The following OR12D2 variants were observed in gnomAD, a reference collection of about 807,000 sequenced individuals.
OR12D2 encodes the protein olfactory receptor 12D2.
For missense variants in OR12D2, 345 were observed against 371.6 expected (o/e 0.93, Z 0.59); for synonymous variants, 146 against 142.3 (o/e 1.03, Z -0.19).
rs1052416171 is a variant in OR12D2 at position 29,396,690 on chromosome 6, G to A, written c.-2-8G>A. 1 of 1,605,792 alleles carries A rather than the reference G, an allele frequency of 6.2e-7. No homozygotes were observed. The highest frequency in any genetic ancestry group is 8.5e-7 in the Non-Finnish European group (1 of 1,176,286). On this transcript the variant is annotated splice_region_variant and splice_polypyrimidine_tract_variant and intron_variant, in intron 1 of 1. Coordinates refer to ENST00000642051, the MANE Select transcript of OR12D2 (RefSeq NM_013936.4). The stretch of plus-strand genomic sequence containing the variant: ...TGTTCCATAGATTATTTTGTCTTTT[G>A]TCTGAAGTGATGCTGAATACAACCT...
In OR12D2 at chr6:29,397,701, CT is replaced by C; in HGVS notation, c.*79del. The C allele has an allele frequency of 7.7e-7, 1 of 1,290,426 alleles. No individual in the cohort carries two copies. The highest frequency in any genetic ancestry group is 2.3e-5 in the East Asian group (1 of 42,756). 79.9% of individuals were successfully genotyped at this position (1,290,426 alleles called of 1,614,324 possible). The stretch of plus-strand genomic sequence containing the variant: ...GTAGAGATGTGTAATTTTACTGCTT[CT>C]CAGATGGTTTATAAGTGTAAAATAG... On this transcript the variant is annotated 3_prime_UTR_variant, in exon 2 of 2. Transcript: ENST00000642051.
rs1384666407 is a variant in OR12D2, at chr6:29,396,837, T to A, written c.138T>A (p.Ile46=). 1 of 1,612,856 alleles carries A rather than the reference T, an allele frequency of 6.2e-7. No individual in the cohort carries two copies. Among genetic ancestry groups the A allele is most frequent in the Non-Finnish European group, 8.5e-7 (1 of 1,179,954 alleles). Residue 46 remains isoleucine (I), a synonymous_variant, in exon 2 of 2, where the codon ATT becomes ATA. Transcript: ENST00000642051. ...SVTGNGAVLM[I]VISDPRLHSL... ...CTGGGAATGGAGCCGTTCTGATGAT[T>A]GTCATCTCCGATCCTAGACTCCATT...
chr6:29,397,744 G>C lies in OR12D2; in HGVS notation c.*121G>C. The stretch of plus-strand genomic sequence containing the variant: ...GTAAAATAGAGGCAACTGGATAAAA[G>C]AAAAAAAAGTCCAATCTAGTTGTAG... On this transcript the variant is annotated 3_prime_UTR_variant, in exon 2 of 2. Coordinates refer to ENST00000642051, the MANE Select transcript of OR12D2 (RefSeq NM_013936.4). The C allele has an allele frequency of 1.3e-6, 1 of 758,912 alleles. No homozygotes were observed. Among genetic ancestry groups the C allele is most frequent in the African/African-American group, 1.8e-5 (1 of 56,126 alleles). 47.0% of individuals were successfully genotyped at this position (758,912 alleles called of 1,614,324 possible).
rs1272026691 is a variant in OR12D2 at position 29,397,543 on chromosome 6, C to A, written c.844C>A (p.Pro282Thr). The A allele has an allele frequency of 2.5e-6, 4 of 1,612,836 alleles. No individual in the cohort carries two copies. The African/African-American group carries it at 4.0e-5, about 16-fold the overall frequency. ...IVAIMYTVVT[P>T]VLNPLIYTLR... ...TGCCATCATGTACACTGTGGTCACT[C>A]CTGTACTAAACCCACTGATCTATAC... is the stretch of plus-strand genomic sequence containing the variant. Residue 282 changes from proline (P) to threonine (T), a missense_variant, in exon 2 of 2, where the codon CCT becomes ACT. By Grantham distance (38) the Pro-to-Thr change is conservative. Coordinates refer to ENST00000642051, the MANE Select transcript of OR12D2 (RefSeq NM_013936.4).
In OR12D2 at chr6:29,396,863, C is replaced by T. The variant is rs1562968360; in HGVS notation, c.164C>T (p.Ser55Phe). ...MIVISDPRLH[S>F]LMYFFLGNLS... Reference sequence around the variant, plus strand: ...GTCATCTCCGATCCTAGACTCCATTCCCTTATGTATTTCTTCCTGGGAAAC... The same window carrying T: ...GTCATCTCCGATCCTAGACTCCATTTCCTTATGTATTTCTTCCTGGGAAAC... Residue 55 changes from serine (S) to phenylalanine (F), a missense_variant, in exon 2 of 2, where the codon TCC (serine) becomes TTC (phenylalanine). Transcript: ENST00000642051. 1 of 1,612,898 alleles carries T rather than the reference C, an allele frequency of 6.2e-7. No homozygotes were observed. The highest frequency in any genetic ancestry group is 8.5e-7 in the Non-Finnish European group (1 of 1,179,926).
intron 1 of OR12D2, 33 bp from the exon 2 acceptor site, chr6:29,396,665 T>C (rs755272643): frequency 5.0e-5 from 77 of 1,534,634 alleles, no homozygotes; most frequent in Non-Finnish European, 5.9e-5. Flanking sequence ...TTGCGATTAG[T>C]GTTCCATAGA....
rs372775261 is a variant in OR12D2 at position 29,397,393 on chromosome 6, A to G, written c.694A>G (p.Met232Val). 3 of 1,612,898 alleles carry G rather than the reference A, an allele frequency of 1.9e-6. No homozygotes were observed. The highest frequency in any genetic ancestry group is 2.5e-6 in the Non-Finnish European group (3 of 1,180,026). ...YLFFKTRSCS[M>V]LCKALSTCAS... ...CTTCTTCAAGACCCGTTCTTGTAGC[A>G]TGCTCTGTAAAGCACTGTCCACTTG... Residue 232 changes from methionine (M) to valine (V), a missense_variant, in exon 2 of 2, where the codon ATG becomes GTG. By Grantham distance (21) the Met-to-Val change is conservative. Transcript: ENST00000642051.
chr6:29,396,710 C>A lies in OR12D2; in HGVS notation c.11C>A (p.Thr4Lys). The A allele has an allele frequency of 1.2e-6, 2 of 1,610,654 alleles. No homozygotes were observed. The highest frequency in any genetic ancestry group is 2.2e-5 in the South Asian group (2 of 90,946). The change falls in exon 2 of 2, where the codon ACA (threonine) becomes AAA (lysine). Residue 4 changes from threonine (T) to lysine (K), a missense_variant. Physicochemically the swap from Thr to Lys is moderately conservative, Grantham distance 78. Transcript: ENST00000642051. MLN[T>K]TSVTEFLLLG... ...CTTTTGTCTGAAGTGATGCTGAATA[C>A]AACCTCAGTCACCGAATTTCTCCTC...
In OR12D2 at chr6:29,397,380, C is replaced by T. The variant is rs1780609072; in HGVS notation, c.681C>T (p.Thr227=). 1 of 1,612,932 alleles carries T rather than the reference C, an allele frequency of 6.2e-7. No homozygotes were observed. Among genetic ancestry groups the T allele is most frequent in the Admixed American group, 1.7e-5 (1 of 59,996 alleles). ...FYIITYLFFK[T]RSCSMLCKAL... Reference sequence around the variant, plus strand: ...TTATCACTTATCTCTTCTTCAAGACCCGTTCTTGTAGCATGCTCTGTAAAG... The same window carrying T: ...TTATCACTTATCTCTTCTTCAAGACTCGTTCTTGTAGCATGCTCTGTAAAG... The change falls in exon 2 of 2, where the codon ACC becomes ACT. Residue 227 remains threonine, a synonymous_variant. Transcript: ENST00000642051.
At position 29,396,689 on chromosome 6, in the gene OR12D2, T is replaced by G; in HGVS notation, c.-2-9T>G. On this transcript the variant is annotated splice_polypyrimidine_tract_variant and intron_variant, in intron 1 of 1. Transcript: ENST00000642051. ...GTGTTCCATAGATTATTTTGTCTTT[T>G]GTCTGAAGTGATGCTGAATACAACC... 1 of 1,604,462 alleles carries G rather than the reference T, an allele frequency of 6.2e-7. No individual in the cohort carries two copies. Among genetic ancestry groups the G allele is most frequent in the Non-Finnish European group, 8.5e-7 (1 of 1,175,670 alleles).
rs753550222 is a variant in OR12D2 at position 29,397,442 on chromosome 6, T to C, written c.743T>C (p.Ile248Thr). 2.5e-6 allele frequency: 4 copies of C among 1,613,068 alleles called. No homozygotes were observed. The highest frequency in any genetic ancestry group is 3.4e-6 in the Non-Finnish European group (4 of 1,180,028). Residue 248 changes from isoleucine to threonine, a missense_variant, in exon 2 of 2, where the codon ATT (isoleucine) becomes ACT (threonine). Ile to Thr is a moderately conservative substitution (Grantham distance 89). Transcript: ENST00000642051. ...TGTGCCTCCCACTTCATGGTAGTTA[T>C]TCTTTTCTATGCACCTGTTCTTTTC... ...STCASHFMVV[I>T]LFYAPVLFTY... is the part of the protein sequence containing the mutation.
intron 1 of OR12D2, 136 bp from the exon 2 acceptor site, chr6:29,396,562 A>T: frequency 1.4e-6 from 1 of 719,978 alleles, no homozygotes; most frequent in East Asian, 2.5e-5. Flanking sequence ...CTAAGCTTCT[A>T]TACAACTTCT....
intron 1 of OR12D2, 86 bp from the exon 2 acceptor site, chr6:29,396,612 A>G (rs1393624412): frequency 4.7e-6 from 5 of 1,067,652 alleles, no homozygotes; most frequent in African/African-American, 1.6e-5. Flanking sequence ...CCTTCCAAGT[A>G]TCTTTGGCTT....
In OR12D2 at chr6:29,397,499, T is replaced by A. The variant is rs746206468; in HGVS notation, c.800T>A (p.Met267Lys). 45 of 1,612,988 alleles carry A rather than the reference T, an allele frequency of 2.8e-5. No individual in the cohort carries two copies. In the East Asian group the frequency reaches 9.8e-4, roughly 35 times the overall value. The change falls in exon 2 of 2, where the codon ATG (methionine) becomes AAG (lysine). Residue 267 changes from methionine (M) to lysine (K), a missense_variant. Coordinates refer to ENST00000642051, the MANE Select transcript of OR12D2 (RefSeq NM_013936.4). ...ATCCATCCTGCGTTAGAGAGCTTCA[T>A]GGACCAGGACCGGATTGTTGCCATC... ...TYIHPALESF[M>K]DQDRIVAIMY...
chr6:29,397,128 C>T lies in OR12D2; in HGVS notation c.429C>T (p.Ala143=). 1 of 1,613,134 alleles carries T rather than the reference C, an allele frequency of 6.2e-7. No individual in the cohort carries two copies. The highest frequency in any genetic ancestry group is 8.5e-7 in the Non-Finnish European group (1 of 1,180,006). The change falls in exon 2 of 2, where the codon GCC becomes GCT. Residue 143 remains alanine (A), a synonymous_variant. Coordinates refer to ENST00000642051, the MANE Select transcript of OR12D2 (RefSeq NM_013936.4). ...ACCCTCAGCTCTGTACCCAGATGGC[C>T]ATCACAATCTGGGTCATTGGTTTTT... ...IMNPQLCTQM[A]ITIWVIGFFH... is the part of the protein sequence containing the mutation.
In OR12D2 at chr6:29,397,019, G is replaced by A. The variant is rs376613164; in HGVS notation, c.320G>A (p.Ser107Asn). ...CTTCATTTCTTCCACTCCCTGGGCA[G>A]CACGGAGTCCATGTTGTTCGCCGTG... ...SQLHFFHSLGSTESMLFAVMA... is the reference protein window; with the variant it reads ...SQLHFFHSLGNTESMLFAVMA... Residue 107 changes from serine (S) to asparagine (N), a missense_variant, in exon 2 of 2, where the codon AGC (serine) becomes AAC (asparagine). Physicochemically the swap from Ser to Asn is conservative, Grantham distance 46. Transcript: ENST00000642051. 2.5e-6 allele frequency: 4 copies of A among 1,613,110 alleles called. No homozygotes were observed. Among genetic ancestry groups the A allele is most frequent in the Non-Finnish European group, 3.4e-6 (4 of 1,180,008 alleles).
Position 29,397,209 on chromosome 6 carries a change from C to A in OR12D2, c.510C>A (p.Asn170Lys), listed in dbSNP as rs773747429. The change falls in exon 2 of 2, where the codon AAC (asparagine) becomes AAA (lysine). Residue 170 changes from asparagine (N) to lysine (K), a missense_variant. Asn to Lys is a moderately conservative substitution (Grantham distance 94). Transcript: ENST00000642051. ...CTCGCTTGAACTTCTGTGGTTCCAA[C>A]CGTATCCATCATTTTCTCTGTGATA... ...MTSRLNFCGS[N>K]RIHHFLCDIK... 1 of 1,613,068 alleles carries A rather than the reference C, an allele frequency of 6.2e-7. No individual in the cohort carries two copies. Among genetic ancestry groups the A allele is most frequent in the Non-Finnish European group, 8.5e-7 (1 of 1,180,034 alleles).
rs1780623594 is a variant in OR12D2 at position 29,397,515 on chromosome 6, T to C, written c.816T>C (p.Ile272=). ...ALESFMDQDR[I]VAIMYTVVTP... is the part of the protein sequence containing the mutation. The stretch of plus-strand genomic sequence containing the variant: ...AGAGCTTCATGGACCAGGACCGGAT[T>C]GTTGCCATCATGTACACTGTGGTCA... The change falls in exon 2 of 2, where the codon ATT becomes ATC. Residue 272 remains isoleucine (I), a synonymous_variant. Coordinates refer to ENST00000642051, the MANE Select transcript of OR12D2 (RefSeq NM_013936.4). 1 of 1,613,064 alleles carries C rather than the reference T, an allele frequency of 6.2e-7. No homozygotes were observed. The highest frequency in any genetic ancestry group is 2.2e-5 in the East Asian group (1 of 44,890).
chr6:29,396,831 G>C lies in OR12D2; in HGVS notation c.132G>C (p.Leu44=), dbSNP rs1263515339. Residue 44 remains leucine, a synonymous_variant, in exon 2 of 2, where the codon CTG becomes CTC. Transcript: ENST00000642051. ...GTGTGACTGGGAATGGAGCCGTTCT[G>C]ATGATTGTCATCTCCGATCCTAGAC... The part of the protein sequence containing the change: ...FISVTGNGAV[L]MIVISDPRLH... 1 of 1,612,878 alleles carries C rather than the reference G, an allele frequency of 6.2e-7. No homozygotes were observed. Among genetic ancestry groups the C allele is most frequent in the Non-Finnish European group, 8.5e-7 (1 of 1,179,930 alleles).
Sources: gnomAD v4.1 joint callset for allele counts on GRCh38, gnomAD v4.1.1 for gene constraint, MANE v1.5 for transcripts, NCBI Gene and HGNC (gene_info 2026-07-23, HGNC 2026-07-21) for gene names.